Variants in MYO5B observed in about 807,000 individuals in gnomAD.
The protein encoded by MYO5B is unconventional myosin-Vb.
Under a neutral mutation model 229.3 loss-of-function variants are expected in MYO5B, and 143 were observed. That is an observed-to-expected ratio of 0.62 (90% CI 0.54 to 0.72). The LOEUF (loss-of-function observed/expected upper bound fraction) is 0.72. MYO5B is among the 30% of genes least tolerant of loss of function. The pLI, the probability that MYO5B is intolerant of heterozygous loss-of-function variation, is 0.00. For missense variants in MYO5B, 2,321 were observed against 2,331.0 expected, an observed-to-expected ratio of 1.00 and a Z score of 0.09; for synonymous variants, 918 against 885.2, an observed-to-expected ratio of 1.04 and a Z score of -0.66.
chr18:50,127,052 A>G (rs965302738), intron 1 of MYO5B, among the ~76,000 whole-genome samples: 2 of 152,212 alleles, frequency 1.3e-5, no homozygotes, highest in Non-Finnish European at 2.9e-5. Flanking sequence ...TTCCAACCTC[A>G]TAAGACCCAA....
intron 39 of MYO5B, among the ~76,000 whole-genome samples, chr18:49,828,858 A>T (rs1291557736): frequency 1.3e-5 from 2 of 152,072 alleles, no homozygotes; most frequent in Non-Finnish European, 2.9e-5. Flanking sequence ...ACCAAAGCTT[A>T]TGGGATGGGA....
At chr18:50,057,891 T>A (rs561943669) in intron 1 of MYO5B, among the ~76,000 whole-genome samples, 1 of 152,116 alleles carries the variant, frequency 6.6e-6, no homozygotes, top group South Asian at 2.1e-4. Context: ...AACTACTTAC[T>A]CTTCCATTCC....
At chr18:50,143,794 C>T (rs2032456088) in intron 1 of MYO5B, among the ~76,000 whole-genome samples, 1 of 152,158 alleles carries the variant, frequency 6.6e-6, no homozygotes, top group Non-Finnish European at 1.5e-5. Context: ...GTGCAACACA[C>T]AATTTGTGTA....
intron 1 of MYO5B, among the ~76,000 whole-genome samples, chr18:50,129,593 C>A (rs890334585): frequency 5.9e-5 from 9 of 152,176 alleles, no homozygotes; most frequent in African/African-American, 1.9e-4. Context: ...TCTGTAGTAA[C>A]TTCTTTAATT....
At chr18:50,061,786 G>GT (rs2030692994) in intron 1 of MYO5B, among the ~76,000 whole-genome samples, 1 of 152,210 alleles carries the variant, frequency 6.6e-6, no homozygotes, top group Non-Finnish European at 1.5e-5. Flanking sequence ...AGGAGCCAAG[G>GT]TGGACCTTCA....
intron 4 of MYO5B, among the ~76,000 whole-genome samples, chr18:50,022,764 G>A (rs1220339739): frequency 1.3e-5 from 2 of 152,176 alleles, no homozygotes; most frequent in East Asian, 1.9e-4. Context: ...GGACTGGGAG[G>A]GAAGTCTGAA....
intron 17 of MYO5B, among the ~76,000 whole-genome samples, chr18:49,924,987 AG>A (rs1411387138): frequency 6.6e-6 from 1 of 152,230 alleles, no homozygotes; most frequent in East Asian, 1.9e-4. Flanking sequence ...AAAATTCTAA[AG>A]CCCCAACTAT....
chr18:50,173,067 C>A (rs1487484157), intron 1 of MYO5B, among the ~76,000 whole-genome samples: 1 of 152,078 alleles, frequency 6.6e-6, no homozygotes, highest in Non-Finnish European at 1.5e-5. Flanking sequence ...AGTTCAAGAC[C>A]AGCCTGGCCA....
rs59785909 is a variant in MYO5B, at chr18:49,830,829, C to CAA, written c.5395-4208_5395-4207dup. 5.0e-3 allele frequency among the ~76,000 whole-genome samples: 355 copies of CAA among 71,366 alleles called. 1 individual carries two copies. Among genetic ancestry groups the CAA allele is most frequent in the Middle Eastern group, 8.5e-3 (1 of 118 alleles). The allele number at this position is 71,366 out of a possible 152,430, so 46.8% of individuals were successfully genotyped here. A position where few individuals can be genotyped will look rare whatever the true frequency, so the allele number is the denominator to read the frequency against. ...TGGGTGATAGAGTGAGACTCTGTCT[C>CAA]AAAAAAAAAAAAAAAAAAAAAAAGG... On this transcript the variant is annotated intron_variant, in intron 39 of 39. Transcript: ENST00000285039.
intron 1 of MYO5B, among the ~76,000 whole-genome samples, chr18:50,164,208 G>A (rs751687793): frequency 2.6e-5 from 4 of 152,130 alleles, no homozygotes; most frequent in Admixed American, 6.5e-5. Flanking sequence ...GGCGCCTTTC[G>A]CATTATTGTT....
At chr18:50,163,023 T>C (rs1249370985) in intron 1 of MYO5B, among the ~76,000 whole-genome samples, 1 of 152,206 alleles carries the variant, frequency 6.6e-6, no homozygotes, top group East Asian at 1.9e-4. Flanking sequence ...TTTTTGTTTG[T>C]GTTCATGCAA....
chr18:50,183,563 A>T (rs2033106539), intron 1 of MYO5B, among the ~76,000 whole-genome samples: 1 of 151,836 alleles, frequency 6.6e-6, no homozygotes, highest in African/African-American at 2.4e-5. Flanking sequence ...TCACTGGAGG[A>T]TGTTAAGTGA....
chr18:49,975,818 T>C (rs1270345591), intron 9 of MYO5B, among the ~76,000 whole-genome samples: 3 of 152,196 alleles, frequency 2.0e-5, no homozygotes, highest in Non-Finnish European at 4.4e-5. Context: ...ACCACGGTCC[T>C]GCCCGATGTA....
chr18:49,917,281 T>C (rs2025027338), intron 17 of MYO5B, among the ~76,000 whole-genome samples: 1 of 152,226 alleles, frequency 6.6e-6, no homozygotes, highest in Non-Finnish European at 1.5e-5. Context: ...GTTTTAAAAA[T>C]GGGTATTCTC....
At chr18:50,161,746 G>T (rs1282384645) in intron 1 of MYO5B, among the ~76,000 whole-genome samples, 1 of 152,240 alleles carries the variant, frequency 6.6e-6, no homozygotes, top group Non-Finnish European at 1.5e-5. Context: ...ACATGGACAA[G>T]AGTCCCAGGT....
Position 49,934,747 on chromosome 18 carries a change from G to A in MYO5B, c.2003+1505C>T, listed in dbSNP as rs554584372. On this transcript the variant is annotated intron_variant, in intron 16 of 39. Transcript: ENST00000285039. ...GGAGGAAGGGAAGAGCAAGCAAGCAGCACACTGCAAAGAAAACTGGTAACA... is the reference window on the plus strand; with the variant it reads ...GGAGGAAGGGAAGAGCAAGCAAGCAACACACTGCAAAGAAAACTGGTAACA... 2.6e-5 allele frequency among the ~76,000 whole-genome samples: 4 copies of A among 152,326 alleles called. No homozygotes were observed. The East Asian group carries it at 5.8e-4, about 22-fold the overall frequency.
chr18:49,841,461 A>T lies in MYO5B; in HGVS notation c.4612-7T>A, dbSNP rs1352934196. On this transcript the variant is annotated splice_polypyrimidine_tract_variant and splice_region_variant and intron_variant, in intron 34 of 39. Coordinates refer to ENST00000285039, the MANE Select transcript of MYO5B (RefSeq NM_001080467.3). ...CAAAGTCATCATTGTGCTTCTGTGA[A>T]AAGAAAAGGACATCCTCAGCTCTAA... 1 of 1,613,332 alleles carries T rather than the reference A, an allele frequency of 6.2e-7. No individual in the cohort carries two copies. The highest frequency in any genetic ancestry group is 8.5e-7 in the Non-Finnish European group (1 of 1,179,314).
At chr18:50,153,903 C>A (rs1183294312) in intron 1 of MYO5B, among the ~76,000 whole-genome samples, 1 of 152,238 alleles carries the variant, frequency 6.6e-6, no homozygotes, top group East Asian at 1.9e-4. Context: ...GCTCCCCACC[C>A]CTGGAGCCTC....
In MYO5B at chr18:49,929,646, G is replaced by A. The variant is rs201695822; in HGVS notation, c.2004-48C>T. On this transcript the variant is annotated intron_variant, in intron 16 of 39. Transcript: ENST00000285039. The stretch of plus-strand genomic sequence containing the variant: ...AAAAAAGCAAGACAAGAGATGAGTG[G>A]CCACATTTGCAAAAAAGAAACAAAA... The A allele has an allele frequency of 2.7e-6, 4 of 1,480,438 alleles. No individual in the cohort carries two copies. In the East Asian group the frequency reaches 9.2e-5, roughly 34 times the overall value. The allele number at this position is 1,480,438 out of a possible 1,614,324, so 91.7% of individuals were successfully genotyped here.
Sources: allele counts gnomAD v4.1 joint callset (sites outside exome capture counted in the v4.1 genomes callset), GRCh38; gene constraint gnomAD v4.1.1; transcripts MANE v1.5; gene names NCBI Gene and HGNC (gene_info 2026-07-23, HGNC 2026-07-21).